Variants in SLC18A2 observed in about 807,000 individuals in gnomAD.
SLC18A2 encodes solute carrier family 18 member A2, also known as synaptic vesicular amine transporter.
In SLC18A2, 33 loss-of-function variants were observed where a neutral mutation model predicts 59.2. The ratio of observed to expected loss-of-function variants is 0.56; its 90% CI spans 0.42 to 0.75. The LOEUF is 0.75. SLC18A2 is among the 30% of genes least tolerant of loss of function. The pLI, the probability that SLC18A2 is intolerant of heterozygous loss-of-function variation, is 0.00. For missense variants in SLC18A2, 569 were observed against 668.6 expected (o/e 0.85, Z 1.64); for synonymous variants, 228 against 253.5 (o/e 0.90, Z 0.95).
Position 117,255,450 on chromosome 10 carries a change from G to C in SLC18A2, c.791-29G>C, listed in dbSNP as rs369513776. 1.4e-5 allele frequency: 23 copies of C among 1,613,992 alleles called. No homozygotes were observed. In the African/African-American group the frequency reaches 2.5e-4, roughly 18 times the overall value. ...GGGCCACACCTGCTTTCTGAAGAGG[G>C]GCTTGTCTTTTTTATTTTTATTTTT... On this transcript the variant is annotated intron_variant, in intron 7 of 15. Transcript: ENST00000644641.
At chr10:117,257,967 G>A in intron 10 of SLC18A2, 75 bp downstream of exon 10, 2 of 1,006,898 alleles carry the variant, frequency 2.0e-6, no homozygotes, top group Non-Finnish European at 1.5e-6. Flanking sequence ...GGGCATCCCT[G>A]CTGAGTTGCC....
chr10:117,258,958 C>T (rs1409717606), intron 10 of SLC18A2, among the ~76,000 whole-genome samples: 1 of 152,044 alleles, frequency 6.6e-6, no homozygotes, highest in East Asian at 1.9e-4. Context: ...TAAAAATTTT[C>T]CAATTTCTGA....
At chr10:117,241,929 G>T in intron 2 of SLC18A2, 115 bp downstream of exon 2, 2 of 1,112,730 alleles carry the variant, frequency 1.8e-6, no homozygotes, top group South Asian at 3.4e-5. Flanking sequence ...GAAAGTTGGA[G>T]AACTCGCTTT....
At chr10:117,276,931 G>A (rs1844505224) in intron 15 of SLC18A2, among the ~76,000 whole-genome samples, 1 of 152,160 alleles carries the variant, frequency 6.6e-6, no homozygotes, top group Non-Finnish European at 1.5e-5. Context: ...CCCCTGACAG[G>A]TATAATGAAA....
Position 117,255,293 on chromosome 10 carries a change from G to A in SLC18A2, c.717G>A (p.Gly239=). 1 of 1,614,222 alleles carries A rather than the reference G, an allele frequency of 6.2e-7. No individual in the cohort carries two copies. The highest frequency in any genetic ancestry group is 8.5e-7 in the Non-Finnish European group (1 of 1,180,034). ...TCCCTGCAGTGGGCCCCCCCTTCGG[G>A]AGTGTGCTCTATGAGTTTGTGGGGA... is the stretch of plus-strand genomic sequence containing the variant. ...AMGVLVGPPF[G]SVLYEFVGKT... The change falls in exon 7 of 16, where the codon GGG becomes GGA. Residue 239 remains glycine (G), a synonymous_variant. Coordinates refer to ENST00000644641, the MANE Select transcript of SLC18A2 (RefSeq NM_003054.6).
At chr10:117,247,827 C>G (rs1444348680) in intron 3 of SLC18A2, among the ~76,000 whole-genome samples, 1 of 152,074 alleles carries the variant, frequency 6.6e-6, no homozygotes, top group Non-Finnish European at 1.5e-5. Context: ...TCCAAAGCTG[C>G]TTGTTTTAAC....
intron 15 of SLC18A2, 86 bp from the exon 16 acceptor site, chr10:117,277,076 C>T: frequency 1.3e-6 from 1 of 781,160 alleles, no homozygotes; most frequent in Non-Finnish European, 2.1e-6. Context: ...AGTTTTCAAA[C>T]TAATAATCCT....
At chr10:117,261,761 G>T (rs192963034) in intron 10 of SLC18A2, among the ~76,000 whole-genome samples, 1 of 152,342 alleles carries the variant, frequency 6.6e-6, no homozygotes, top group Non-Finnish European at 1.5e-5. Flanking sequence ...ATGGCCGGGG[G>T]AGAGGGGGTA....
At chr10:117,270,614 AT>A (rs1224634121) in intron 15 of SLC18A2, 151 bp downstream of exon 15, 2 of 809,958 alleles carry the variant, frequency 2.5e-6, no homozygotes, top group Non-Finnish European at 3.7e-6. Context: ...TACTTCTTTT[AT>A]TTTTTTATTA....
rs1156662429 is a variant in SLC18A2, at chr10:117,244,078, A to T, written c.229A>T (p.Ser77Cys). Residue 77 changes from serine to cysteine, a missense_variant, in exon 3 of 16, where the codon AGC becomes TGC. Coordinates refer to ENST00000644641, the MANE Select transcript of SLC18A2 (RefSeq NM_003054.6). The part of the protein sequence containing the change: ...HTASISDSFQ[S>C]IFSYYDNSTM... The stretch of plus-strand genomic sequence containing the variant: ...TGCCTCCATCTCAGACAGCTTCCAG[A>T]GCATCTTCTCCTATTATGATAACTC... The T allele has an allele frequency of 3.1e-6, 5 of 1,614,172 alleles. No individual in the cohort carries two copies. The highest frequency in any genetic ancestry group is 4.2e-6 in the Non-Finnish European group (5 of 1,180,034).
intron 15 of SLC18A2, among the ~76,000 whole-genome samples, chr10:117,272,986 G>A (rs1041729526): frequency 6.6e-6 from 1 of 152,226 alleles, no homozygotes; most frequent in Non-Finnish European, 1.5e-5. Flanking sequence ...CGTTCAGGAT[G>A]AGCAGTTGCC....
rs923076877 is a variant in SLC18A2, at chr10:117,269,224, C to A, written c.1187-847C>A. 2.0e-5 allele frequency among the ~76,000 whole-genome samples: 3 copies of A among 151,108 alleles called. No individual in the cohort carries two copies. The highest frequency in any genetic ancestry group is 7.3e-5 in the African/African-American group (3 of 41,094). On this transcript the variant is annotated intron_variant, in intron 13 of 15. Transcript: ENST00000644641. The surrounding 1 kb of genome is among the most constrained non-coding windows in gnomAD (Gnocchi z 5.1). ...ACACATACACATACACACACATACA[C>A]AAATACAAGTACATACACAAACACA...
intron 10 of SLC18A2, among the ~76,000 whole-genome samples, chr10:117,261,608 G>A (rs954245408): frequency 5.9e-5 from 9 of 152,180 alleles, no homozygotes; most frequent in African/African-American, 2.2e-4. Context: ...GGGAATGGGG[G>A]TGTCTTGCCA....
Position 117,258,570 on chromosome 10 carries a change from TTTA to T in SLC18A2, c.991+681_991+683del, listed in dbSNP as rs201894771. Among the ~76,000 whole-genome samples the T allele has an allele frequency of 6.6e-3, 312 of 47,344 alleles. 2 individuals carry two copies. Among genetic ancestry groups the T allele is most frequent in the East Asian group, 0.058 (151 of 2,616 alleles). 31.1% of individuals were successfully genotyped at this position (47,344 alleles called of 152,430 possible). ...ATTTACTTTTTAAAACTAATTAAATTTTATTTTTTTTTATCAAAGTTACACATG... is the reference window on the plus strand; with the variant it reads ...ATTTACTTTTTAAAACTAATTAAATTTTTTTTTTTATCAAAGTTACACATG... On this transcript the variant is annotated intron_variant, in intron 10 of 15. Coordinates refer to ENST00000644641, the MANE Select transcript of SLC18A2 (RefSeq NM_003054.6).
At chr10:117,252,368 C>T (rs993736416) in intron 3 of SLC18A2, among the ~76,000 whole-genome samples, 4 of 152,052 alleles carry the variant, frequency 2.6e-5, no homozygotes, top group Non-Finnish European at 5.9e-5. Flanking sequence ...CTTCTGCCTT[C>T]CTGGATTCAT....
At position 117,270,449 on chromosome 10, in the gene SLC18A2, AAAG is replaced by A; in HGVS notation, c.1432_1434del (p.Glu478del). 6.2e-7 allele frequency: 1 copy of A among 1,613,678 alleles called. No individual in the cohort carries two copies. The highest frequency in any genetic ancestry group is 8.5e-7 in the Non-Finnish European group (1 of 1,179,950). Reference sequence around the variant, plus strand: ...CTTTTTTCTTCGAAGTCCACCTGCCAAAGAAGAAAAAATGGTAAGAAAAATTTA... The same window carrying A: ...CTTTTTTCTTCGAAGTCCACCTGCCAAAGAAAAAATGGTAAGAAAAATTTA... On this transcript the variant is annotated inframe_deletion, in exon 15 of 16. Coordinates refer to ENST00000644641, the MANE Select transcript of SLC18A2 (RefSeq NM_003054.6).
rs1408764376 is a variant in SLC18A2, at chr10:117,278,469, T to C, written c.*1203T>C. ...GTGTATTTTTCTAAGCATGACAACATTGATGTGCCTTTTCAGTGTAACAGC... is the reference window on the plus strand; with the variant it reads ...GTGTATTTTTCTAAGCATGACAACACTGATGTGCCTTTTCAGTGTAACAGC... On this transcript the variant is annotated 3_prime_UTR_variant, in exon 16 of 16. Transcript: ENST00000644641. 3 of 152,234 alleles carry C rather than the reference T, an allele frequency of 2.0e-5. No homozygotes were observed. The highest frequency in any genetic ancestry group is 2.1e-4 in the South Asian group (1 of 4,832). The allele number at this position is 152,234 out of a possible 1,614,324, so 9.4% of individuals were successfully genotyped here. A position where few individuals can be genotyped will look rare whatever the true frequency, so the allele number is the denominator to read the frequency against.
At chr10:117,258,959 C>T (rs907196056) in intron 10 of SLC18A2, among the ~76,000 whole-genome samples, 7 of 152,036 alleles carry the variant, frequency 4.6e-5, no homozygotes, top group African/African-American at 1.7e-4. Flanking sequence ...AAAAATTTTC[C>T]AATTTCTGAC....
At chr10:117,249,656 G>A (rs1011009493) in intron 3 of SLC18A2, among the ~76,000 whole-genome samples, 1 of 152,180 alleles carries the variant, frequency 6.6e-6, no homozygotes, top group Admixed American at 6.5e-5. Flanking sequence ...CATGAGAAGA[G>A]AGCTTCCATT....
Sources: allele counts gnomAD v4.1 joint callset (sites outside exome capture counted in the v4.1 genomes callset), GRCh38; gene constraint gnomAD v4.1.1; non-coding constraint Gnocchi (gnomAD v3.1); transcripts MANE v1.5; gene names NCBI Gene and HGNC (gene_info 2026-07-23, HGNC 2026-07-21).